The following PLPPR1 variants were observed in gnomAD, a reference collection of about 807,000 sequenced individuals.
The protein encoded by PLPPR1 is phospholipid phosphatase-related protein type 1.
PLPPR1 carries 10 observed loss-of-function variants against 33.1 expected under a neutral mutation model. The ratio of observed to expected loss-of-function variants is 0.30; its 90% CI spans 0.19 to 0.51. The LOEUF (loss-of-function observed/expected upper bound fraction) is 0.51, where lower values mean the gene tolerates loss of function less well. Among genes scored for constraint, PLPPR1 ranks in the 20% least tolerant of loss-of-function variants. The pLI is 0.97. For missense variants in PLPPR1, 304 were observed against 408.1 expected (o/e 0.74, Z 2.20); for synonymous variants, 151 against 151.0 (o/e 1.00, Z 0.00).
chr9:101,132,150 G>C (rs1438393151), intron 1 of PLPPR1, among the ~76,000 whole-genome samples: 1 of 152,128 alleles, frequency 6.6e-6, no homozygotes, highest in African/African-American at 2.4e-5. Context: ...AACTGAGGGG[G>C]CACTGTGCCT....
At chr9:101,229,861 A>G (rs1827145941) in intron 2 of PLPPR1, among the ~76,000 whole-genome samples, 1 of 152,108 alleles carries the variant, frequency 6.6e-6, no homozygotes, top group South Asian at 2.1e-4. Flanking sequence ...TTGCCTTCTG[A>G]CTTTAATTAA....
intron 4 of PLPPR1, among the ~76,000 whole-genome samples, chr9:101,308,712 C>T (rs759829107): frequency 5.3e-5 from 8 of 152,140 alleles, no homozygotes; most frequent in Admixed American, 1.3e-4. Context: ...GTAAATAACT[C>T]CTCCCAAGAT....
At chr9:101,171,154 C>A (rs1825936680) in intron 1 of PLPPR1, among the ~76,000 whole-genome samples, 1 of 152,028 alleles carries the variant, frequency 6.6e-6, no homozygotes, top group Non-Finnish European at 1.5e-5. Context: ...AATAGGGCAG[C>A]TGAGTCCTGG....
chr9:101,286,270 C>T, intron 4 of PLPPR1, 34 bp downstream of exon 4: 1 of 1,557,792 alleles, frequency 6.4e-7, no homozygotes, highest in Non-Finnish European at 8.7e-7. Flanking sequence ...TAAGCTCTCA[C>T]ATAAAAGTAA....
At chr9:101,275,917 C>CTTGA (rs1239775181) in intron 3 of PLPPR1, among the ~76,000 whole-genome samples, 2 of 152,112 alleles carry the variant, frequency 1.3e-5, no homozygotes, top group African/African-American at 4.8e-5. Context: ...ACAAACACAA[C>CTTGA]TTGATAGAAA....
At chr9:101,057,523 G>A (rs1481629666) in intron 1 of PLPPR1, among the ~76,000 whole-genome samples, 1 of 151,764 alleles carries the variant, frequency 6.6e-6, no homozygotes, top group Non-Finnish European at 1.5e-5. Flanking sequence ...AATAAACAAG[G>A]TGATGGTATA....
At chr9:101,123,461 G>A (rs1012159967) in intron 1 of PLPPR1, among the ~76,000 whole-genome samples, 1 of 152,138 alleles carries the variant, frequency 6.6e-6, no homozygotes, top group Non-Finnish European at 1.5e-5. Context: ...CCAACACCAG[G>A]TCGTGGGGGT....
chr9:101,059,088 GTTTT>G (rs1388914474), intron 1 of PLPPR1, among the ~76,000 whole-genome samples: 2 of 152,056 alleles, frequency 1.3e-5, no homozygotes, highest in African/African-American at 2.4e-5. Flanking sequence ...CAGCAAGGGA[GTTTT>G]TCATTGCATA....
intron 2 of PLPPR1, among the ~76,000 whole-genome samples, chr9:101,189,613 T>C (rs976573930): frequency 5.9e-5 from 9 of 152,130 alleles, no homozygotes; most frequent in African/African-American, 1.9e-4. Flanking sequence ...CTAGGACTTA[T>C]TGTGTATCCT....
chr9:101,064,316 G>A (rs967475386), intron 1 of PLPPR1, among the ~76,000 whole-genome samples: 6 of 151,898 alleles, frequency 4.0e-5, no homozygotes, highest in African/African-American at 1.2e-4. Context: ...GCTAAACCTG[G>A]CTCAGAGTTT....
intron 1 of PLPPR1, among the ~76,000 whole-genome samples, chr9:101,117,978 A>G (rs1052291335): frequency 2.0e-5 from 3 of 152,250 alleles, no homozygotes; most frequent in African/African-American, 7.2e-5. Context: ...GGACACTGTC[A>G]GTAGAGACAG....
chr9:101,271,307 T>C (rs1828095841), intron 3 of PLPPR1, among the ~76,000 whole-genome samples: 1 of 152,192 alleles, frequency 6.6e-6, no homozygotes, highest in East Asian at 1.9e-4. Flanking sequence ...CATGCGTTGC[T>C]GTGGGGCTTA....
At chr9:101,069,139 G>GAAA (rs11427463) in intron 1 of PLPPR1, among the ~76,000 whole-genome samples, 4 of 149,704 alleles carry the variant, frequency 2.7e-5, no homozygotes, top group African/African-American at 9.8e-5. Flanking sequence ...ATTTGTTTAG[G>GAAA]AAAAAAAAAA....
At chr9:101,149,308 C>G (rs1417700502) in intron 1 of PLPPR1, among the ~76,000 whole-genome samples, 2 of 152,138 alleles carry the variant, frequency 1.3e-5, no homozygotes, top group African/African-American at 4.8e-5. Context: ...AATACATAAG[C>G]AAATGAAAAT....
At chr9:101,093,198 A>G (rs967978495) in intron 1 of PLPPR1, among the ~76,000 whole-genome samples, 10 of 152,202 alleles carry the variant, frequency 6.6e-5, no homozygotes, top group African/African-American at 2.4e-4. Context: ...CATCTAAATT[A>G]TAGACTAAAA....
At chr9:101,186,579 C>T (rs892783249) in intron 2 of PLPPR1, among the ~76,000 whole-genome samples, 7 of 151,842 alleles carry the variant, frequency 4.6e-5, no homozygotes, top group African/African-American at 1.7e-4. Flanking sequence ...ACTTTCAGTA[C>T]ATCTGTTGTT....
chr9:101,261,424 C>T (rs774497815), intron 2 of PLPPR1, among the ~76,000 whole-genome samples: 2 of 152,092 alleles, frequency 1.3e-5, no homozygotes, highest in Non-Finnish European at 2.9e-5. Context: ...GATCACATTT[C>T]GTCTACATAT....
At chr9:101,142,924 T>G (rs1182866496) in intron 1 of PLPPR1, among the ~76,000 whole-genome samples, 2 of 152,116 alleles carry the variant, frequency 1.3e-5, no homozygotes, top group African/African-American at 2.4e-5. Flanking sequence ...TATAGTGGGT[T>G]GGCCTGAGGG....
chr9:101,198,870 G>A (rs1289853668), intron 2 of PLPPR1, among the ~76,000 whole-genome samples: 1 of 152,210 alleles, frequency 6.6e-6, no homozygotes, highest in Non-Finnish European at 1.5e-5. Context: ...TAGTGACAGA[G>A]GAGACTGGCA....
Sources: allele counts gnomAD v4.1 joint callset (sites outside exome capture counted in the v4.1 genomes callset), GRCh38; gene constraint gnomAD v4.1.1; transcripts MANE v1.5; gene names NCBI Gene and HGNC (gene_info 2026-07-23, HGNC 2026-07-21).